Variants in WDR70 observed in about 807,000 individuals in gnomAD.
WDR70 encodes the protein WD repeat domain 70, also known as WD repeat-containing protein 70.
Under a neutral mutation model 88.6 loss-of-function variants are expected in WDR70, and 53 were observed. The ratio of observed to expected loss-of-function variants is 0.60; its 90% CI spans 0.48 to 0.75. The LOEUF (loss-of-function observed/expected upper bound fraction) is 0.75, where lower values mean the gene tolerates loss of function less well. Ranked by LOEUF, WDR70 falls within the 30% of genes least tolerant of loss-of-function variation. The pLI is 0.00. For missense variants in WDR70, 610 were observed against 823.2 expected (o/e 0.74, Z 3.17); for synonymous variants, 280 against 270.0 (o/e 1.04, Z -0.36).
intron 10 of WDR70, among the ~76,000 whole-genome samples, chr5:37,678,426 G>C (rs1407958650): frequency 6.6e-6 from 1 of 152,108 alleles, no homozygotes; most frequent in Admixed American, 6.5e-5. Context: ...GGGCAGGCCT[G>C]GTGGTGACAA....
intron 7 of WDR70, among the ~76,000 whole-genome samples, chr5:37,452,912 T>A (rs1333895884): frequency 6.6e-6 from 1 of 151,946 alleles, no homozygotes; most frequent in East Asian, 1.9e-4. Flanking sequence ...AGTCTAGGAG[T>A]GAAGCTGAGG....
At position 37,717,640 on chromosome 5, in the gene WDR70, C is replaced by T. The variant is rs181439903; in HGVS notation, c.1417-3475C>T. On this transcript the variant is annotated intron_variant, in intron 13 of 17. Coordinates refer to ENST00000265107, the MANE Select transcript of WDR70 (RefSeq NM_018034.4). ...TGGTTCCTTAGGCTTCTAGCAGGCA[C>T]GTGTCGCATTGTTGTTAAGCAAAGC... Among the ~76,000 whole-genome samples, 609 of 152,272 alleles carry T rather than the reference C, an allele frequency of 4.0e-3. 6 individuals are homozygous for T. The highest frequency in any genetic ancestry group is 0.014 in the African/African-American group (571 of 41,540).
intron 10 of WDR70, among the ~76,000 whole-genome samples, chr5:37,609,887 AT>A (rs1236522216): frequency 1.3e-5 from 2 of 152,264 alleles, no homozygotes; most frequent in Non-Finnish European, 2.9e-5. Flanking sequence ...GAAAAAAGAA[AT>A]ATCCAGCACA....
rs192181198 is a variant in WDR70 at position 37,525,258 on chromosome 5, A to T, written c.917+8668A>T. ...AGCAGTCCTCAGCAAATGTAAAAGA[A>T]CAGAAATTATAAAAAACCGTCTCTC... On this transcript the variant is annotated intron_variant, in intron 9 of 17. Transcript: ENST00000265107. 9.8e-3 allele frequency among the ~76,000 whole-genome samples: 1,500 copies of T among 152,316 alleles called. 11 individuals are homozygous for T. The highest frequency in any genetic ancestry group is 0.015 in the Non-Finnish European group (1,052 of 68,022).
chr5:37,433,712 A>G (rs543069290), intron 5 of WDR70, among the ~76,000 whole-genome samples: 28 of 152,176 alleles, frequency 1.8e-4, no homozygotes, highest in Non-Finnish European at 3.5e-4. Flanking sequence ...GATAACCTCT[A>G]TTTTTTGAAA....
chr5:37,718,885 G>T (rs963319903), intron 13 of WDR70, among the ~76,000 whole-genome samples: 21 of 152,080 alleles, frequency 1.4e-4, no homozygotes, highest in African/African-American at 4.8e-4. Flanking sequence ...TTCTAGTGGG[G>T]AAGGCAGACA....
chr5:37,516,329 A>G (rs1307217162), intron 8 of WDR70, among the ~76,000 whole-genome samples, 185 bp from the exon 9 acceptor site: 2 of 152,228 alleles, frequency 1.3e-5, no homozygotes. Flanking sequence ...AAAGAGTTAA[A>G]GCGAAATAAA....
intron 9 of WDR70, among the ~76,000 whole-genome samples, chr5:37,581,006 C>T (rs1743202580): frequency 1.3e-5 from 2 of 152,196 alleles, no homozygotes; most frequent in African/African-American, 4.8e-5. Context: ...GAAGGTCTTG[C>T]TGCTCGTGAG....
chr5:37,720,222 G>A (rs930087348), intron 13 of WDR70, among the ~76,000 whole-genome samples: 4 of 152,068 alleles, frequency 2.6e-5, no homozygotes, highest in Non-Finnish European at 5.9e-5. Flanking sequence ...AGTTTGACAA[G>A]TGATAGATTA....
At chr5:37,510,445 A>G (rs1396116730) in intron 8 of WDR70, among the ~76,000 whole-genome samples, 3 of 152,202 alleles carry the variant, frequency 2.0e-5, no homozygotes, top group African/African-American at 4.8e-5. Context: ...CCTAATAACA[A>G]TGCATTTTCA....
intron 10 of WDR70, among the ~76,000 whole-genome samples, chr5:37,619,730 T>C (rs1050648675): frequency 6.6e-6 from 1 of 151,876 alleles, no homozygotes; most frequent in African/African-American, 2.4e-5. Context: ...CAGTGAGTCC[T>C]CCCTGTTTGG....
chr5:37,645,048 G>A (rs1745196998), intron 10 of WDR70, among the ~76,000 whole-genome samples: 2 of 151,512 alleles, frequency 1.3e-5, no homozygotes, highest in Non-Finnish European at 3.0e-5. Context: ...TGCTTTTCTT[G>A]TTCTTTAAGG....
chr5:37,585,824 T>A (rs1456625614), intron 9 of WDR70, among the ~76,000 whole-genome samples: 3 of 152,146 alleles, frequency 2.0e-5, no homozygotes, highest in Non-Finnish European at 2.9e-5. Context: ...CTTACTAGTG[T>A]TATCTGTTGC....
intron 5 of WDR70, among the ~76,000 whole-genome samples, chr5:37,400,541 C>T (rs1195668523): frequency 6.6e-6 from 1 of 152,134 alleles, no homozygotes; most frequent in Non-Finnish European, 1.5e-5. Flanking sequence ...CTCCTCCTCT[C>T]CCACGGGAAA....
intron 9 of WDR70, among the ~76,000 whole-genome samples, chr5:37,552,800 A>T (rs180992631): frequency 6.6e-6 from 1 of 152,202 alleles, no homozygotes. Flanking sequence ...TAAAAACAAC[A>T]TGGTCCTTAC....
chr5:37,625,731 G>T (rs1189427245), intron 10 of WDR70, among the ~76,000 whole-genome samples: 2 of 151,962 alleles, frequency 1.3e-5, no homozygotes, highest in African/African-American at 4.8e-5. Flanking sequence ...GTTTCACCGT[G>T]TTGGCCAGGC....
intron 9 of WDR70, among the ~76,000 whole-genome samples, chr5:37,567,809 A>G (rs1178952576): frequency 6.6e-6 from 1 of 152,180 alleles, no homozygotes; most frequent in Non-Finnish European, 1.5e-5. Flanking sequence ...GGAAATGCTA[A>G]GAGTTCCCAA....
intron 11 of WDR70, among the ~76,000 whole-genome samples, chr5:37,699,374 T>C (rs1279869637): frequency 1.6e-5 from 2 of 122,360 alleles, no homozygotes; most frequent in Non-Finnish European, 3.3e-5. Context: ...TGTGTGTGTG[T>C]ATATATATGT....
intron 9 of WDR70, among the ~76,000 whole-genome samples, chr5:37,517,290 A>T (rs1454168542): frequency 6.6e-6 from 1 of 152,182 alleles, no homozygotes; most frequent in Non-Finnish European, 1.5e-5. Flanking sequence ...GAGGAAATTG[A>T]TTAAATTTGG....
Sources: gnomAD v4.1 joint callset for allele counts (sites outside exome capture counted in the v4.1 genomes callset) on GRCh38, gnomAD v4.1.1 for gene constraint, MANE v1.5 for transcripts, NCBI Gene and HGNC (gene_info 2026-07-23, HGNC 2026-07-21) for gene names.